Variants in NFATC2 observed in about 807,000 individuals in gnomAD.
The protein encoded by NFATC2 is nuclear factor of activated T cells 2, also known as nuclear factor of activated T-cells, cytoplasmic 2.
Under a neutral mutation model 87.3 loss-of-function variants are expected in NFATC2, and 22 were observed. The ratio of observed to expected loss-of-function variants is 0.25; its 90% CI spans 0.18 to 0.36. The LOEUF is 0.36. Among genes scored for constraint, NFATC2 ranks in the 10% least tolerant of loss-of-function variants. NFATC2 has a pLI of 1.00. For synonymous variants in NFATC2, 565 were observed against 542.2 expected (o/e 1.04, Z -0.58); for missense variants, 1,149 against 1,259.1 (o/e 0.91, Z 1.32).
chr20:51,502,719 A>G (rs2076110294), intron 3 of NFATC2, among the ~76,000 whole-genome samples: 1 of 152,118 alleles, frequency 6.6e-6, no homozygotes, highest in Non-Finnish European at 1.5e-5. Flanking sequence ...GGTTTATTTT[A>G]TGTCACTAAG....
At position 51,392,418 on chromosome 20, in the gene NFATC2, C is replaced by G. The variant is rs1367364138; in HGVS notation, c.*45-967G>C. 2.0e-5 allele frequency among the ~76,000 whole-genome samples: 3 copies of G among 152,184 alleles called. No individual in the cohort carries two copies. In the South Asian group the frequency reaches 6.2e-4, roughly 32 times the overall value. ...AAGCTACCTTCTCCCACTTTGCCCA[C>G]TGGGTAAGGTACTAATTACTAGAAT... On this transcript the variant is annotated intron_variant, in intron 10 of 10. Coordinates refer to ENST00000371564, the MANE Select transcript of NFATC2 (RefSeq NM_012340.5).
At chr20:51,450,583 A>C (rs1985642308) in intron 6 of NFATC2, among the ~76,000 whole-genome samples, 1 of 152,220 alleles carries the variant, frequency 6.6e-6, no homozygotes, top group South Asian at 2.1e-4. Context: ...CAGGAAAGAA[A>C]GACTGTCACT....
intron 3 of NFATC2, among the ~76,000 whole-genome samples, chr20:51,498,073 C>A (rs998817573): frequency 6.6e-6 from 1 of 152,184 alleles, no homozygotes; most frequent in African/African-American, 2.4e-5. Context: ...TGGCCTCAAG[C>A]GAGCCCAATT....
intron 9 of NFATC2, among the ~76,000 whole-genome samples, chr20:51,415,245 C>A (rs1353282496): frequency 8.2e-4 from 112 of 136,528 alleles, no homozygotes; most frequent in Admixed American, 8.8e-4. Context: ...GACCCTGTAT[C>A]AAAAAAAAAA....
At chr20:51,508,371 G>A (rs550157602) in intron 3 of NFATC2, among the ~76,000 whole-genome samples, 26 of 152,258 alleles carry the variant, frequency 1.7e-4, no homozygotes, top group African/African-American at 5.5e-4. Context: ...GTCCATCCTC[G>A]ACCACTGCGG....
intron 3 of NFATC2, among the ~76,000 whole-genome samples, chr20:51,499,017 G>T (rs1395387385): frequency 6.6e-6 from 1 of 152,184 alleles, no homozygotes; most frequent in Non-Finnish European, 1.5e-5. Context: ...CCATTAGCAG[G>T]TGGGAATGGA....
At chr20:51,557,684 C>T (rs529856396) in intron 1 of NFATC2, among the ~76,000 whole-genome samples, 11 of 152,294 alleles carry the variant, frequency 7.2e-5, no homozygotes, top group African/African-American at 2.2e-4. Flanking sequence ...AATGAGAGTG[C>T]GGTCCTTCAG....
chr20:51,444,873 G>A (rs767335542), intron 6 of NFATC2, among the ~76,000 whole-genome samples: 2 of 152,072 alleles, frequency 1.3e-5, no homozygotes, highest in African/African-American at 4.8e-5. Flanking sequence ...GATTTCAGCC[G>A]CCCGACAGGG....
At position 51,458,081 on chromosome 20, in the gene NFATC2, T is replaced by C. The variant is rs112634599; in HGVS notation, c.1709-3393A>G. 7.0e-3 allele frequency among the ~76,000 whole-genome samples: 1,070 copies of C among 152,178 alleles called. 17 individuals carry two copies. The highest frequency in any genetic ancestry group is 0.024 in the African/African-American group (998 of 41,506). Reference sequence around the variant, plus strand: ...TTGTAGAGGCAGGGTTTTGCCATGTTACTCAGGCTTGTCTTGAACTCCTGG... The same window carrying C: ...TTGTAGAGGCAGGGTTTTGCCATGTCACTCAGGCTTGTCTTGAACTCCTGG... On this transcript the variant is annotated intron_variant, in intron 5 of 10. Coordinates refer to ENST00000371564, the MANE Select transcript of NFATC2 (RefSeq NM_012340.5).
chr20:51,496,138 GC>G (rs1294109821), intron 3 of NFATC2, among the ~76,000 whole-genome samples: 2 of 152,100 alleles, frequency 1.3e-5, no homozygotes, highest in African/African-American at 4.8e-5. Flanking sequence ...GAGACCCCAT[GC>G]GGGAGGCAGA....
intron 3 of NFATC2, among the ~76,000 whole-genome samples, chr20:51,494,406 C>T (rs2075953349): frequency 6.6e-6 from 1 of 152,130 alleles, no homozygotes; most frequent in African/African-American, 2.4e-5. Flanking sequence ...ATTTTACTTT[C>T]AAGTGGAAAT....
chr20:51,487,524 G>A (rs957461696), intron 3 of NFATC2, among the ~76,000 whole-genome samples: 5 of 152,122 alleles, frequency 3.3e-5, no homozygotes, highest in Non-Finnish European at 5.9e-5. Flanking sequence ...AACATTCCCA[G>A]GAAACTGCAG....
upstream of NFATC2, among the ~76,000 whole-genome samples, chr20:51,545,532 G>A (rs1297025784): frequency 6.6e-6 from 1 of 152,220 alleles, no homozygotes; most frequent in East Asian, 1.9e-4. Flanking sequence ...GATAAATGGA[G>A]GATGGATAAG....
At chr20:51,436,348 A>T (rs933731740) in intron 6 of NFATC2, among the ~76,000 whole-genome samples, 1 of 152,108 alleles carries the variant, frequency 6.6e-6, no homozygotes, top group Non-Finnish European at 1.5e-5. Context: ...AACTGTCCAG[A>T]ATCCTCCCAT....
chr20:51,408,167 T>C (rs1568937719), intron 9 of NFATC2, among the ~76,000 whole-genome samples: 1 of 152,146 alleles, frequency 6.6e-6, no homozygotes, highest in Non-Finnish European at 1.5e-5. Context: ...GAAGTGGCTC[T>C]TTATTTCTAG....
intron 2 of NFATC2, among the ~76,000 whole-genome samples, chr20:51,522,482 C>A (rs943221366): frequency 6.6e-6 from 1 of 152,090 alleles, no homozygotes; most frequent in Non-Finnish European, 1.5e-5. Flanking sequence ...CAAAGCGAGC[C>A]TTAAGAGACT....
intron 3 of NFATC2, among the ~76,000 whole-genome samples, chr20:51,488,914 C>T (rs533104687): frequency 2.2e-4 from 34 of 152,324 alleles, no homozygotes; most frequent in African/African-American, 3.4e-4. Flanking sequence ...TCAAGCTGGG[C>T]GCAGTGGCTC....
intron 1 of NFATC2, among the ~76,000 whole-genome samples, chr20:51,561,288 G>GT (rs1203046904): frequency 7.3e-6 from 1 of 137,600 alleles, no homozygotes; most frequent in East Asian, 2.1e-4. Flanking sequence ...AAAGCACACC[G>GT]TTTACCTAAC....
At chr20:51,540,663 T>TTTTTTTTTTTTTTTTTTTTG (rs1555818354) in intron 1 of NFATC2, among the ~76,000 whole-genome samples, 3 of 135,692 alleles carry the variant, frequency 2.2e-5, no homozygotes, top group Admixed American at 7.2e-5. Flanking sequence ...TTTTTGTTTT[T>TTTTTTTTTTTTTTTTTTTTG]TTTTTTTTGA....
Sources: allele counts gnomAD v4.1 joint callset (sites outside exome capture counted in the v4.1 genomes callset), GRCh38; gene constraint gnomAD v4.1.1; transcripts MANE v1.5; gene names NCBI Gene and HGNC (gene_info 2026-07-23, HGNC 2026-07-21).